DDX42: variants seen among roughly 807,000 people sequenced by gnomAD.
DDX42 encodes the protein DEAD-box helicase 42.
In DDX42, 22 loss-of-function variants were observed where a neutral mutation model predicts 101.5. The observed-to-expected ratio is 0.22, with a 90% CI of 0.15 to 0.31. DDX42 has a LOEUF of 0.31. Ranked by LOEUF, DDX42 falls within the 10% of genes least tolerant of loss-of-function variation. DDX42 has a pLI of 1.00. For synonymous variants in DDX42, 402 were observed against 401.2 expected (o/e 1.00, Z -0.02); for missense variants, 849 against 1,199.9 (o/e 0.71, Z 4.32).
chr17:63,803,991 A>G (rs1047662152), intron 6 of DDX42, among the ~76,000 whole-genome samples: 2 of 152,110 alleles, frequency 1.3e-5, no homozygotes, highest in Non-Finnish European at 2.9e-5. Context: ...AAACCAACCT[A>G]TTGCAATAAT....
At chr17:63,789,964 T>C (rs545787385) in intron 2 of DDX42, among the ~76,000 whole-genome samples, 2 of 152,288 alleles carry the variant, frequency 1.3e-5, no homozygotes, top group South Asian at 4.1e-4. Flanking sequence ...TTTAGCAAAG[T>C]CAGAGATCAT....
rs1296928706 is a variant in DDX42 at position 63,818,754 on chromosome 17, A to G, written c.*356A>G. ...TTTACTAAGGTGTCACCTTATAAGC[A>G]TCTATAAATTGACTTCTTTTTCTTA... On this transcript the variant is annotated 3_prime_UTR_variant, in exon 18 of 18. Coordinates refer to ENST00000389924, the MANE Select transcript of DDX42 (RefSeq NM_203499.3). 5.5e-6 allele frequency: 1 copy of G among 180,784 alleles called. No individual in the cohort carries two copies. Among genetic ancestry groups the G allele is most frequent in the Non-Finnish European group, 1.2e-5 (1 of 84,182 alleles). The allele number at this position is 180,784 out of a possible 1,614,324, so 11.2% of individuals were successfully genotyped here. A position where few individuals can be genotyped will look rare whatever the true frequency, so the allele number is the denominator to read the frequency against.
chr17:63,776,526 TAATG>T (rs2039423024), intron 1 of DDX42, among the ~76,000 whole-genome samples: 1 of 152,210 alleles, frequency 6.6e-6, no homozygotes, highest in African/African-American at 2.4e-5. Flanking sequence ...TCTTCAGAAA[TAATG>T]TAATAATGAA....
At chr17:63,792,795 A>G (rs900602987) in intron 3 of DDX42, among the ~76,000 whole-genome samples, 1 of 152,098 alleles carries the variant, frequency 6.6e-6, no homozygotes, top group Non-Finnish European at 1.5e-5. Context: ...TGGTAGCTCT[A>G]GACGTATATG....
chr17:63,800,278 T>C, intron 5 of DDX42, 190 bp from the exon 6 acceptor site: 2 of 562,148 alleles, frequency 3.6e-6, no homozygotes, highest in African/African-American at 2.0e-5. Flanking sequence ...ACTAACTGTT[T>C]AATTCATTTC....
At chr17:63,778,729 G>C (rs2144519587) in intron 1 of DDX42, among the ~76,000 whole-genome samples, 1 of 151,620 alleles carries the variant, frequency 6.6e-6, no homozygotes, top group South Asian at 2.1e-4. Flanking sequence ...CAGCCTCCGT[G>C]TCCTGGGTTC....
intron 10 of DDX42, 151 bp from the exon 11 acceptor site, chr17:63,809,409 C>A (rs1452539577): frequency 1.7e-6 from 1 of 598,720 alleles, no homozygotes; most frequent in Admixed American, 3.1e-5. Flanking sequence ...TTCCTTTGAG[C>A]TAAGTAGTGC....
At chr17:63,795,314 GC>G (rs2039680075) in intron 3 of DDX42, among the ~76,000 whole-genome samples, 1 of 152,126 alleles carries the variant, frequency 6.6e-6, no homozygotes, top group African/African-American at 2.4e-5. Context: ...TAACCTTGAG[GC>G]CACTGTTTAT....
At chr17:63,795,873 C>T (rs2039686495) in intron 3 of DDX42, among the ~76,000 whole-genome samples, 1 of 152,100 alleles carries the variant, frequency 6.6e-6, no homozygotes, top group Admixed American at 6.5e-5. Flanking sequence ...CCTCCAAACC[C>T]CATATTCCTT....
chr17:63,811,547 G>A (rs2039910466), intron 13 of DDX42: 1 of 372,632 alleles, frequency 2.7e-6, no homozygotes, highest in East Asian at 5.1e-5. Context: ...TACGCAGGAG[G>A]GAAAGGGTGA....
chr17:63,806,836 G>A (rs1016892617), intron 8 of DDX42, among the ~76,000 whole-genome samples, 182 bp downstream of exon 8: 10 of 152,244 alleles, frequency 6.6e-5, no homozygotes, highest in East Asian at 1.9e-4. Context: ...TATCTGATAC[G>A]TATGTTGAAA....
chr17:63,817,682 T>C lies in DDX42; in HGVS notation c.2113-12T>C, dbSNP rs746901787. The C allele has an allele frequency of 6.2e-7, 1 of 1,610,192 alleles. No homozygotes were observed. The highest frequency in any genetic ancestry group is 8.5e-7 in the Non-Finnish European group (1 of 1,176,872). On this transcript the variant is annotated splice_polypyrimidine_tract_variant and intron_variant, in intron 17 of 17. Coordinates refer to ENST00000389924, the MANE Select transcript of DDX42 (RefSeq NM_203499.3). ...CTATCTTACCTACTCCTGATGTCTCTTTCTCTTTCAGTCACAGTACAAGAG... is the reference window on the plus strand; with the variant it reads ...CTATCTTACCTACTCCTGATGTCTCCTTCTCTTTCAGTCACAGTACAAGAG...
chr17:63,778,877 G>T (rs1415988445), intron 1 of DDX42, among the ~76,000 whole-genome samples: 1 of 152,124 alleles, frequency 6.6e-6, no homozygotes. Flanking sequence ...CTGACCTTGT[G>T]ATCCGTCCAC....
intron 16 of DDX42, 131 bp downstream of exon 16, chr17:63,815,804 A>G (rs1036232744): frequency 1.1e-5 from 6 of 529,206 alleles, no homozygotes; most frequent in Middle Eastern, 3.4e-4. Flanking sequence ...TTTGTATTTA[A>G]TCTGATTTGA....
intron 6 of DDX42, among the ~76,000 whole-genome samples, chr17:63,802,996 GTACT>G (rs2039791306): frequency 6.6e-6 from 1 of 151,940 alleles, no homozygotes; most frequent in South Asian, 2.1e-4. Context: ...CAGCTTTTCA[GTACT>G]TAAAGACCAT....
chr17:63,795,131 CAG>C lies in DDX42; in HGVS notation c.372+2570_372+2571del, dbSNP rs538648163. On this transcript the variant is annotated intron_variant, in intron 3 of 17. Coordinates refer to ENST00000389924, the MANE Select transcript of DDX42 (RefSeq NM_203499.3). ...AAATGTGAGCCAACATTTTTAGTAT[CAG>C]GGGATCTTGTCTAATAGTTCAGACT... Among the ~76,000 whole-genome samples, 214 of 152,166 alleles carry C rather than the reference CAG, an allele frequency of 1.4e-3. 1 individual carries two copies. Among genetic ancestry groups the C allele is most frequent in the African/African-American group, 4.7e-3 (194 of 41,516 alleles).
At chr17:63,816,671 A>G (rs1468029368) in intron 16 of DDX42, 197 bp from the exon 17 acceptor site, 6 of 430,270 alleles carry the variant, frequency 1.4e-5, no homozygotes, top group Non-Finnish European at 4.1e-6. Flanking sequence ...TTCCAGAAAT[A>G]GAATTTCTGG....
At chr17:63,792,597 A>C in intron 3 of DDX42, 35 bp downstream of exon 3, 1 of 1,576,618 alleles carries the variant, frequency 6.3e-7, no homozygotes, top group Non-Finnish European at 8.6e-7. Context: ...AATATTTAGC[A>C]GTTAGAAATA....
chr17:63,789,034 C>A (rs2039586219), intron 2 of DDX42, among the ~76,000 whole-genome samples: 1 of 152,060 alleles, frequency 6.6e-6, no homozygotes, highest in Admixed American at 6.6e-5. Context: ...TCCTGAGTAG[C>A]TAGGACCATA....
Sources: gnomAD v4.1 joint callset for allele counts (sites outside exome capture counted in the v4.1 genomes callset) on GRCh38, gnomAD v4.1.1 for gene constraint, MANE v1.5 for transcripts, NCBI Gene and HGNC (gene_info 2026-07-23, HGNC 2026-07-21) for gene names.